TRPC4: variants seen among roughly 807,000 people sequenced by gnomAD.
TRPC4 encodes the protein short transient receptor potential channel 4.
A neutral mutation model predicts 99.4 loss-of-function variants in TRPC4; 49 were observed. That is an observed-to-expected ratio of 0.49 (90% CI 0.39 to 0.63). TRPC4 has a LOEUF of 0.63. Ranked by LOEUF, TRPC4 falls within the 20% of genes least tolerant of loss-of-function variation. The pLI is 0.00. For synonymous variants in TRPC4, 454 were observed against 425.9 expected, an observed-to-expected ratio of 1.07 and a Z score of -0.81; for missense variants, 898 against 1,152.9, an observed-to-expected ratio of 0.78 and a Z score of 3.20.
chr13:37,633,244 T>A lies in TRPC4; in HGVS notation c.*3659A>T, dbSNP rs1951431218. ...AATTTCTAAATTCTATGGTTAGTTTTAAGTCAGAATTTCAGATAATACAGA... is the reference window on the plus strand; with the variant it reads ...AATTTCTAAATTCTATGGTTAGTTTAAAGTCAGAATTTCAGATAATACAGA... On this transcript the variant is annotated 3_prime_UTR_variant, in exon 11 of 11. Coordinates refer to ENST00000379705, the MANE Select transcript of TRPC4 (RefSeq NM_016179.4). 6.6e-6 allele frequency among the ~76,000 whole-genome samples: 1 copy of A among 152,182 alleles called. No individual in the cohort carries two copies. Among genetic ancestry groups the A allele is most frequent in the African/African-American group, 2.4e-5 (1 of 41,456 alleles).
chr13:37,695,721 G>T (rs1457376914), intron 3 of TRPC4, among the ~76,000 whole-genome samples: 1 of 152,150 alleles, frequency 6.6e-6, no homozygotes, highest in Non-Finnish European at 1.5e-5. Flanking sequence ...AGTTTGAAAA[G>T]TCTGATCTCA....
chr13:37,796,936 A>AAATAAAATAAAATAAAATAAAATAAAAT (rs1428871477), intron 1 of TRPC4, among the ~76,000 whole-genome samples: 1 of 127,170 alleles, frequency 7.9e-6, no homozygotes, highest in African/African-American at 2.8e-5. Flanking sequence ...TACAAAAATA[A>AAATAAAATAAAATAAAATAAAATAAAAT]AATAAAATAA....
chr13:37,781,270 T>C (rs1956831953), intron 2 of TRPC4, among the ~76,000 whole-genome samples: 1 of 152,132 alleles, frequency 6.6e-6, no homozygotes, highest in African/African-American at 2.4e-5. Flanking sequence ...TTCTATAGTC[T>C]TGCTGCAATC....
intron 1 of TRPC4, among the ~76,000 whole-genome samples, chr13:37,840,775 C>T (rs1300844886): frequency 4.6e-5 from 7 of 151,942 alleles, no homozygotes; most frequent in Non-Finnish European, 8.8e-5. Flanking sequence ...TGTTCAGCCA[C>T]CAAAAGTTGG....
chr13:37,852,485 A>G (rs575963341), intron 1 of TRPC4, among the ~76,000 whole-genome samples: 2 of 152,314 alleles, frequency 1.3e-5, no homozygotes, highest in South Asian at 2.1e-4. Flanking sequence ...AGAGTACACA[A>G]TGGGCCTTGG....
chr13:37,827,061 G>A (rs992662122), intron 1 of TRPC4, among the ~76,000 whole-genome samples: 30 of 151,728 alleles, frequency 2.0e-4, no homozygotes, highest in African/African-American at 6.3e-4. Flanking sequence ...CCAGTTGATC[G>A]CATCGGCTCC....
chr13:37,636,917 T>C lies in TRPC4; in HGVS notation c.2920A>G (p.Thr974Ala), dbSNP rs1264384081. ...PDTVTHEDYV[T>A]TRL ...TCCTTCAAGTATCACAATCTTGTGG[T>C]CACGTAATCTTCGTGGGTGACTGTG... Residue 974 changes from threonine (T) to alanine (A), a missense_variant, in exon 11 of 11, where the codon ACC becomes GCC. By Grantham distance (58) the Thr-to-Ala change is moderately conservative (BLOSUM62 0). Around this residue, in one of 3 missense-constraint regions of TRPC4, gnomAD observed 346 missense variants for 351.4 expected, o/e 0.98. Coordinates refer to ENST00000379705, the MANE Select transcript of TRPC4 (RefSeq NM_016179.4). 1.2e-6 allele frequency: 2 copies of C among 1,610,804 alleles called. No individual in the cohort carries two copies. The highest frequency in any genetic ancestry group is 1.7e-6 in the Non-Finnish European group (2 of 1,178,122).
chr13:37,853,075 C>T (rs996397778), intron 1 of TRPC4, among the ~76,000 whole-genome samples: 8 of 151,712 alleles, frequency 5.3e-5, no homozygotes, highest in African/African-American at 1.2e-4. Context: ...CCTGGCCTGC[C>T]GATTGCGGAG....
chr13:37,651,220 T>C, intron 8 of TRPC4, 45 bp downstream of exon 8: 5 of 1,603,614 alleles, frequency 3.1e-6, no homozygotes, highest in Non-Finnish European at 4.3e-6. Flanking sequence ...TATATTCAAA[T>C]ACACAATTTA....
intron 1 of TRPC4, among the ~76,000 whole-genome samples, chr13:37,855,220 C>T (rs1407696762): frequency 6.7e-6 from 1 of 150,220 alleles, no homozygotes; most frequent in Non-Finnish European, 1.5e-5. Context: ...GATTTCAAGA[C>T]AAAAACTGTA....
chr13:37,746,166 A>G lies in TRPC4; in HGVS notation c.668T>C (p.Leu223Ser). The change falls in exon 3 of 11, where the codon TTA (leucine) becomes TCA (serine). Residue 223 changes from leucine to serine, a missense_variant. Physicochemically the swap from Leu to Ser is moderately radical, Grantham distance 145 (BLOSUM62 -2). This residue lies in a region of TRPC4 where 278 missense variants were observed against 346.6 expected (regional missense o/e 0.80). Transcript: ENST00000379705. Reference protein sequence around the residue: ...SEDPFLTAFQLSWELQELSKV... With the variant: ...SEDPFLTAFQSSWELQELSKV... ...GCTCAGTTCCTGAAGTTCCCAACTTAACTGAAAGGCTGTGAGAAAAGGATC... is the reference window on the plus strand; with the variant it reads ...GCTCAGTTCCTGAAGTTCCCAACTTGACTGAAAGGCTGTGAGAAAAGGATC... 6.2e-7 allele frequency: 1 copy of G among 1,613,868 alleles called. No homozygotes were observed. Among genetic ancestry groups the G allele is most frequent in the Non-Finnish European group, 8.5e-7 (1 of 1,179,876 alleles).
chr13:37,645,357 A>G (rs1035293745), intron 8 of TRPC4, among the ~76,000 whole-genome samples: 2 of 152,134 alleles, frequency 1.3e-5, no homozygotes, highest in East Asian at 1.9e-4. Context: ...GCTAGAAAAG[A>G]GAGGTCTCTG....
intron 2 of TRPC4, among the ~76,000 whole-genome samples, chr13:37,759,552 C>A (rs910445038): frequency 1.3e-5 from 2 of 151,596 alleles, no homozygotes; most frequent in African/African-American, 4.8e-5. Context: ...ATCTTATAAG[C>A]AATCCAATGG....
At chr13:37,646,859 T>A (rs1259386231) in intron 8 of TRPC4, among the ~76,000 whole-genome samples, 1 of 152,242 alleles carries the variant, frequency 6.6e-6, no homozygotes, top group Non-Finnish European at 1.5e-5. Context: ...TTTCGTGGGA[T>A]TTTTATAATA....
intron 1 of TRPC4, among the ~76,000 whole-genome samples, chr13:37,851,380 A>G (rs1360848123): frequency 6.6e-6 from 1 of 152,348 alleles, no homozygotes; most frequent in East Asian, 1.9e-4. Context: ...CAAACAGACC[A>G]GCACATAACC....
chr13:37,816,661 A>G (rs1355480461), intron 1 of TRPC4, among the ~76,000 whole-genome samples: 1 of 151,910 alleles, frequency 6.6e-6, no homozygotes, highest in African/African-American at 2.4e-5. Context: ...GTAGCACATA[A>G]AAAAAGCTAA....
intron 1 of TRPC4, among the ~76,000 whole-genome samples, chr13:37,807,050 G>C (rs1363648858): frequency 6.6e-6 from 1 of 151,932 alleles, no homozygotes; most frequent in African/African-American, 2.4e-5. Flanking sequence ...TCAATACATA[G>C]AAAAATGATT....
At chr13:37,797,883 G>C (rs970663572) in intron 1 of TRPC4, among the ~76,000 whole-genome samples, 1 of 152,098 alleles carries the variant, frequency 6.6e-6, no homozygotes, top group Admixed American at 6.6e-5. Flanking sequence ...ATTCTGCACA[G>C]TCATCAACCC....
At chr13:37,818,452 T>C (rs1045779491) in intron 1 of TRPC4, among the ~76,000 whole-genome samples, 3 of 152,148 alleles carry the variant, frequency 2.0e-5, no homozygotes, top group African/African-American at 7.2e-5. Flanking sequence ...CATTACTGGG[T>C]ATACACCCAA....
Sources: allele counts gnomAD v4.1 joint callset (sites outside exome capture counted in the v4.1 genomes callset), GRCh38; gene constraint gnomAD v4.1.1; regional missense constraint gnomAD v4.1.1; transcripts MANE v1.5; gene names NCBI Gene and HGNC (gene_info 2026-07-23, HGNC 2026-07-21).